TMEM132D: variants seen among roughly 807,000 people sequenced by gnomAD.
TMEM132D encodes mature OL transmembrane protein.
TMEM132D carries 21 observed loss-of-function variants against 62.3 expected under a neutral mutation model. The ratio of observed to expected loss-of-function variants is 0.34; its 90% confidence interval spans 0.24 to 0.49. The LOEUF (loss-of-function observed/expected upper bound fraction) is 0.49, where lower values mean the gene tolerates loss of function less well. TMEM132D is among the 20% of genes least tolerant of loss of function. The probability of loss-of-function intolerance (pLI) is 0.99; values close to 1 mark genes in which losing one functional copy is unlikely to be tolerated. For synonymous variants in TMEM132D, 621 were observed against 575.6 expected (o/e 1.08, Z -1.13); for missense variants, 1,346 against 1,402.8 (o/e 0.96, Z 0.65).
At chr12:129,604,027 G>A (rs1878551146) in intron 2 of TMEM132D, among the ~76,000 whole-genome samples, 1 of 152,180 alleles carries the variant, frequency 6.6e-6, no homozygotes, top group Non-Finnish European at 1.5e-5. Flanking sequence ...GGACATGGAT[G>A]AAGCTGGAAA....
intron 8 of TMEM132D, among the ~76,000 whole-genome samples, chr12:129,077,892 CAACAT>C (rs1364686179): frequency 1.4e-4 from 21 of 146,098 alleles, no homozygotes; most frequent in Admixed American, 9.7e-4. Flanking sequence ...CACACAAAAA[CAACAT>C]ATATGTACAC....
chr12:129,755,386 T>A (rs1186008598), intron 1 of TMEM132D, among the ~76,000 whole-genome samples: 3 of 152,120 alleles, frequency 2.0e-5, no homozygotes, highest in Non-Finnish European at 2.9e-5. Flanking sequence ...CACTTTCGAG[T>A]AGTATGCTTT....
rs576902401 is a variant in TMEM132D, at chr12:129,276,690, T to C, written c.1299+60944A>G. 6.6e-5 allele frequency among the ~76,000 whole-genome samples: 10 copies of C among 152,348 alleles called. No individual in the cohort carries two copies. The East Asian group carries it at 1.7e-3, about 26-fold the overall frequency. On this transcript the variant is annotated intron_variant, in intron 4 of 8. Transcript: ENST00000422113. Reference sequence around the variant, plus strand: ...ATGAATCACAGCCCACTTACGCCGATAGTTTTAAACAATTACTAAGTGTTT... The same window carrying C: ...ATGAATCACAGCCCACTTACGCCGACAGTTTTAAACAATTACTAAGTGTTT...
intron 1 of TMEM132D, among the ~76,000 whole-genome samples, chr12:129,797,882 T>A (rs1871613935): frequency 6.6e-6 from 1 of 152,208 alleles, no homozygotes; most frequent in African/African-American, 2.4e-5. Context: ...GTATAGTTGT[T>A]CCCTCTAAAT....
rs373471695 is a variant in TMEM132D at position 129,903,116 on chromosome 12, C to T, written c.79+145G>A. The T allele has an allele frequency of 4.5e-6, 4 of 885,516 alleles. No individual in the cohort carries two copies. The highest frequency in any genetic ancestry group is 3.4e-5 in the African/African-American group (2 of 59,484). 54.9% of individuals were successfully genotyped at this position (885,516 alleles called of 1,614,324 possible). A position where few individuals can be genotyped will look rare whatever the true frequency, so the allele number is the denominator to read the frequency against. ...GCTGCCGCACGAGCGCACGTTCACA[C>T]GCGCGCACACACACATGCACACAAG... On this transcript the variant is annotated intron_variant, in intron 1 of 8. Coordinates refer to ENST00000422113, the MANE Select transcript of TMEM132D (RefSeq NM_133448.3). This position sits in a 1 kb window ranked among gnomAD's most constrained non-coding sequence, Gnocchi z 6.2.
chr12:129,333,892 A>T (rs527353561), intron 4 of TMEM132D, among the ~76,000 whole-genome samples: 1 of 152,316 alleles, frequency 6.6e-6, no homozygotes, highest in East Asian at 1.9e-4. Flanking sequence ...AAGCCGAGGC[A>T]GGTGGATCAT....
chr12:129,565,278 T>G, intron 2 of TMEM132D, among the ~76,000 whole-genome samples: 1 of 152,134 alleles, frequency 6.6e-6, no homozygotes, highest in East Asian at 1.9e-4. Context: ...GATGGAAACC[T>G]CACACAGAAG....
chr12:129,097,017 A>T (rs1283728969), intron 5 of TMEM132D, among the ~76,000 whole-genome samples: 1 of 152,188 alleles, frequency 6.6e-6, no homozygotes, highest in Non-Finnish European at 1.5e-5. Flanking sequence ...GAGCAGTCTG[A>T]TAGGAAATCA....
intron 3 of TMEM132D, among the ~76,000 whole-genome samples, chr12:129,381,691 T>C (rs1870957806): frequency 9.9e-6 from 1 of 101,326 alleles, no homozygotes; most frequent in Non-Finnish European, 2.3e-5. Context: ...TTCTTTTCTT[T>C]TTCCTTTCCT....
At chr12:129,516,384 G>A (rs746060017) in intron 3 of TMEM132D, among the ~76,000 whole-genome samples, 4 of 152,132 alleles carry the variant, frequency 2.6e-5, no homozygotes, top group African/African-American at 7.2e-5. Flanking sequence ...CCAAGACTTG[G>A]TAATTTACAA....
chr12:129,437,720 A>G (rs2135719472), intron 3 of TMEM132D, among the ~76,000 whole-genome samples: 1 of 145,680 alleles, frequency 6.9e-6, no homozygotes, highest in South Asian at 2.4e-4. Context: ...CAGGAGCTGA[A>G]TGCTCATTTC....
At chr12:129,121,858 G>T (rs1876075600) in intron 5 of TMEM132D, among the ~76,000 whole-genome samples, 1 of 152,210 alleles carries the variant, frequency 6.6e-6, no homozygotes, top group Non-Finnish European at 1.5e-5. Context: ...TAGAGGTGGA[G>T]TCAACAAAAA....
intron 1 of TMEM132D, among the ~76,000 whole-genome samples, chr12:129,725,626 T>C (rs1869005906): frequency 6.6e-6 from 1 of 152,242 alleles, no homozygotes; most frequent in Non-Finnish European, 1.5e-5. Context: ...ACAGTGTACG[T>C]ATGTGTGCCA....
rs147017921 is a variant in TMEM132D at position 129,819,704 on chromosome 12, C to G, written c.79+83557G>C. ...TGCAGTGCCTGGCACGTAGTTAGTG[C>G]TAAGTGTTAGTTGCTGCTGGTACTG... On this transcript the variant is annotated intron_variant, in intron 1 of 8. Transcript: ENST00000422113. 6.8e-3 allele frequency among the ~76,000 whole-genome samples: 1,042 copies of G among 152,288 alleles called. 11 individuals carry two copies. Among genetic ancestry groups the G allele is most frequent in the African/African-American group, 0.023 (964 of 41,560 alleles).
chr12:129,833,002 G>A (rs924262064), intron 1 of TMEM132D, among the ~76,000 whole-genome samples: 7 of 152,230 alleles, frequency 4.6e-5, no homozygotes, highest in African/African-American at 9.6e-5. Context: ...CTTGACCTAC[G>A]GGTTCTTCAC....
chr12:129,200,774 T>C (rs1878684302), intron 5 of TMEM132D, among the ~76,000 whole-genome samples: 1 of 152,178 alleles, frequency 6.6e-6, no homozygotes, highest in Non-Finnish European at 1.5e-5. Flanking sequence ...GCCAGGCCAT[T>C]CAGGCCCCAA....
At position 129,528,539 on chromosome 12, in the gene TMEM132D, A is replaced by T. The variant is rs544109424; in HGVS notation, c.1115+2520T>A. On this transcript the variant is annotated intron_variant, in intron 3 of 8. Coordinates refer to ENST00000422113, the MANE Select transcript of TMEM132D (RefSeq NM_133448.3). ...CCCAGTTCTCTCCAGTAGAAATCGC[A>T]GTTGCCAGTCCTTTGTGTAGACTTC... Among the ~76,000 whole-genome samples, 31 of 152,224 alleles carry T rather than the reference A, an allele frequency of 2.0e-4. No homozygotes were observed. In the South Asian group the frequency reaches 6.2e-3, roughly 31 times the overall value.
chr12:129,676,191 A>T (rs11060492), intron 2 of TMEM132D, among the ~76,000 whole-genome samples: 36,404 of 152,052 alleles, frequency 0.24, 4,862 homozygotes, highest in East Asian at 0.42. Context: ...CTAGCAAAAA[A>T]TAAACCACAT....
chr12:129,835,540 C>T (rs186188195), intron 1 of TMEM132D, among the ~76,000 whole-genome samples: 52 of 152,248 alleles, frequency 3.4e-4, no homozygotes, highest in African/African-American at 1.3e-3. Context: ...ATCCACCTGC[C>T]TCGGACTCCC....
Sources: gnomAD v4.1 joint callset for allele counts (sites outside exome capture counted in the v4.1 genomes callset) on GRCh38, gnomAD v4.1.1 for gene constraint, Gnocchi (gnomAD v3.1) non-coding constraint, MANE v1.5 for transcripts, NCBI Gene and HGNC (gene_info 2026-07-23, HGNC 2026-07-21) for gene names.